UBE2J1: variants seen among roughly 807,000 people sequenced by gnomAD.
UBE2J1 encodes the protein ubiquitin-conjugating enzyme E2 J1.
A neutral mutation model predicts 42.1 loss-of-function variants in UBE2J1; 17 were observed. The ratio of observed to expected loss-of-function variants is 0.40; its 90% confidence interval spans 0.28 to 0.61. UBE2J1 has a LOEUF of 0.61. Among genes scored for constraint, UBE2J1 ranks in the 20% least tolerant of loss-of-function variants. UBE2J1 has a pLI of 0.38. For synonymous variants in UBE2J1, 127 were observed against 137.2 expected (o/e 0.93, Z 0.52); for missense variants, 291 against 389.4 (o/e 0.75, Z 2.13).
chr6:89,338,437 T>G, intron 4 of UBE2J1, 22 bp downstream of exon 4: 1 of 1,583,216 alleles, frequency 6.3e-7, no homozygotes, highest in Non-Finnish European at 8.7e-7. Flanking sequence ...GAGATTTATA[T>G]TCACTATAAA....
chr6:89,340,639 C>G (rs1768226312), intron 3 of UBE2J1, among the ~76,000 whole-genome samples: 1 of 152,200 alleles, frequency 6.6e-6, no homozygotes, highest in Non-Finnish European at 1.5e-5. Context: ...GTAACCCACC[C>G]ATAGTGTAAT....
intron 1 of UBE2J1, among the ~76,000 whole-genome samples, chr6:89,349,958 G>T (rs1442070066): frequency 6.6e-6 from 1 of 151,674 alleles, no homozygotes; most frequent in Non-Finnish European, 1.5e-5. Context: ...CCAAACACGG[G>T]TCAAGTAGCT....
chr6:89,351,069 C>CT (rs1193022037), intron 1 of UBE2J1, among the ~76,000 whole-genome samples: 4,556 of 60,422 alleles, frequency 0.075, 1,351 homozygotes, highest in Non-Finnish European at 0.1. Flanking sequence ...CCGGGATTCT[C>CT]TTTTTTTTTT....
At chr6:89,343,374 G>A (rs1159869927) in intron 2 of UBE2J1, among the ~76,000 whole-genome samples, 2 of 144,312 alleles carry the variant, frequency 1.4e-5, no homozygotes, top group African/African-American at 5.3e-5. Flanking sequence ...GGTAGAGGTT[G>A]CAGTGAGCCG....
rs1036868533 is a variant in UBE2J1 at position 89,327,886 on chromosome 6, C to T, written c.*1793G>A. The T allele has an allele frequency of 1.3e-5, 2 of 152,110 alleles. No homozygotes were observed. Among genetic ancestry groups the T allele is most frequent in the Non-Finnish European group, 2.9e-5 (2 of 68,014 alleles). The allele number at this position is 152,110 out of a possible 1,614,324, so 9.4% of individuals were successfully genotyped here. On this transcript the variant is annotated 3_prime_UTR_variant, in exon 8 of 8. Coordinates refer to ENST00000435041, the MANE Select transcript of UBE2J1 (RefSeq NM_016021.3). ...CGTCGGTGACTTCTTACTAGGAGACCACTGAGCACTGAATCAAGGTTTCTA... is the reference window on the plus strand; with the variant it reads ...CGTCGGTGACTTCTTACTAGGAGACTACTGAGCACTGAATCAAGGTTTCTA...
intron 1 of UBE2J1, among the ~76,000 whole-genome samples, chr6:89,352,004 T>G (rs1324988384): frequency 1.3e-5 from 2 of 152,284 alleles, no homozygotes; most frequent in East Asian, 3.9e-4. Flanking sequence ...TTGTTGTTGT[T>G]TTGTTTTGCT....
chr6:89,341,616 C>T (rs1280370488), intron 3 of UBE2J1, among the ~76,000 whole-genome samples: 1 of 151,836 alleles, frequency 6.6e-6, no homozygotes, highest in African/African-American at 2.4e-5. Flanking sequence ...CCCAGCTACT[C>T]AGGAGGCTGA....
chr6:89,349,189 A>G (rs1051701593), intron 1 of UBE2J1, among the ~76,000 whole-genome samples: 1 of 152,146 alleles, frequency 6.6e-6, no homozygotes, highest in Non-Finnish European at 1.5e-5. Flanking sequence ...GTGAGCTGTG[A>G]TGGCACCACT....
At chr6:89,345,365 AC>A (rs1768340269) in intron 1 of UBE2J1, among the ~76,000 whole-genome samples, 2 of 151,518 alleles carry the variant, frequency 1.3e-5, no homozygotes, top group African/African-American at 4.8e-5. Context: ...ACTTTGGGAG[AC>A]CGAGGCGAGT....
At chr6:89,336,919 C>A (rs1247652976) in intron 5 of UBE2J1, among the ~76,000 whole-genome samples, 1 of 151,920 alleles carries the variant, frequency 6.6e-6, no homozygotes, top group African/African-American at 2.4e-5. Flanking sequence ...TGGCTCACTG[C>A]AGTCTCAACC....
chr6:89,339,468 G>C (rs1353052820), intron 3 of UBE2J1, among the ~76,000 whole-genome samples: 1 of 7,910 alleles, frequency 1.3e-4, no homozygotes, highest in African/African-American at 6.2e-4. Flanking sequence ...GGGGAGGAGA[G>C]GGGGGGAGGG....
At chr6:89,338,149 T>C (rs1240459765) in intron 5 of UBE2J1, 56 bp downstream of exon 5, 1 of 1,261,610 alleles carries the variant, frequency 7.9e-7, no homozygotes, top group Non-Finnish European at 1.1e-6. Context: ...TACCTCCTAA[T>C]AGCCATTACC....
chr6:89,332,819 A>C (rs1768034923), intron 7 of UBE2J1, among the ~76,000 whole-genome samples: 1 of 152,216 alleles, frequency 6.6e-6, no homozygotes, highest in Non-Finnish European at 1.5e-5. Context: ...CACTATATTA[A>C]AATTAACTTT....
At chr6:89,333,025 C>G (rs566824884) in intron 7 of UBE2J1, 61 bp downstream of exon 7, 1 of 1,417,746 alleles carries the variant, frequency 7.1e-7, no homozygotes, top group Non-Finnish European at 9.3e-7. Context: ...ATCTTCTCCT[C>G]CTATTGCAAA....
intron 2 of UBE2J1, among the ~76,000 whole-genome samples, chr6:89,342,928 C>A (rs191438179): frequency 6.6e-6 from 1 of 152,138 alleles, no homozygotes; most frequent in South Asian, 2.1e-4. Context: ...TTTCAGTTTA[C>A]AAAATACTTG....
intron 6 of UBE2J1, 82 bp downstream of exon 6, chr6:89,335,220 T>C: frequency 7.9e-7 from 1 of 1,271,972 alleles, no homozygotes; most frequent in East Asian, 2.5e-5. Flanking sequence ...GTAATAGAAC[T>C]GCATCGCTTT....
At chr6:89,338,435 T>C (rs1396562074) in intron 4 of UBE2J1, 24 bp downstream of exon 4, 11 of 1,595,780 alleles carry the variant, frequency 6.9e-6, no homozygotes, top group Non-Finnish European at 9.4e-6. Flanking sequence ...ATGAGATTTA[T>C]ATTCACTATA....
Position 89,352,544 on chromosome 6 carries a change from C to T in UBE2J1, c.26G>A (p.Ser9Asn), listed in dbSNP as rs1193027961. METRYNLKSPAVKRLMKEA... is the reference protein window; with the variant it reads METRYNLKNPAVKRLMKEA... ...GGGGCCCCAGCCCTGCTCACCCGGA[C>T]TCTTCAGGTTGTAGCGGGTCTCCAT... The change falls in exon 1 of 8, where the codon AGT becomes AAT. Residue 9 changes from serine to asparagine, a missense_variant. Physicochemically the swap from Ser to Asn is conservative, Grantham distance 46. Transcript: ENST00000435041. The T allele has an allele frequency of 1.9e-6, 3 of 1,571,646 alleles. No individual in the cohort carries two copies. Among genetic ancestry groups the T allele is most frequent in the African/African-American group, 2.8e-5 (2 of 71,082 alleles).
chr6:89,331,735 C>T (rs1486823290), intron 7 of UBE2J1, among the ~76,000 whole-genome samples: 2 of 151,924 alleles, frequency 1.3e-5, no homozygotes, highest in African/African-American at 4.8e-5. Flanking sequence ...TGAAAATACA[C>T]AAAAGATTTA....
Sources: gnomAD v4.1 joint callset for allele counts (sites outside exome capture counted in the v4.1 genomes callset) on GRCh38, gnomAD v4.1.1 for gene constraint, MANE v1.5 for transcripts, NCBI Gene and HGNC (gene_info 2026-07-23, HGNC 2026-07-21) for gene names.